Variants in NELL1 observed in about 807,000 individuals in gnomAD.
The protein encoded by NELL1 is protein kinase C-binding protein NELL1.
Under a neutral mutation model 107.4 loss-of-function variants are expected in NELL1, and 76 were observed. The ratio of observed to expected loss-of-function variants is 0.71; its 90% CI spans 0.59 to 0.86. The LOEUF (loss-of-function observed/expected upper bound fraction) is 0.86, where lower values mean the gene tolerates loss of function less well. NELL1 is among the 40% of genes least tolerant of loss of function. The probability of loss-of-function intolerance (pLI) is 0.00; values close to 1 mark genes in which losing one functional copy is unlikely to be tolerated. For synonymous variants in NELL1, 353 were observed against 341.2 expected (o/e 1.03, Z -0.38); for missense variants, 1,024 against 1,005.5 (o/e 1.02, Z -0.25).
At chr11:21,363,474 T>G (rs1333379088) in intron 14 of NELL1, among the ~76,000 whole-genome samples, 1 of 152,160 alleles carries the variant, frequency 6.6e-6, no homozygotes, top group Non-Finnish European at 1.5e-5. Context: ...AGAATTTGCT[T>G]CTTTCAAAGG....
At chr11:20,675,104 C>T (rs1156233215) in intron 1 of NELL1, among the ~76,000 whole-genome samples, 1 of 152,158 alleles carries the variant, frequency 6.6e-6, no homozygotes, top group Non-Finnish European at 1.5e-5. Flanking sequence ...CCAGCCGGGA[C>T]ATGTTCTTAT....
intron 15 of NELL1, among the ~76,000 whole-genome samples, chr11:21,489,516 C>G (rs1029147317): frequency 6.6e-6 from 1 of 151,526 alleles, no homozygotes; most frequent in African/African-American, 2.4e-5. Context: ...GCCAATATCC[C>G]TGATGAAATT....
chr11:21,077,262 T>C (rs1194159905), intron 12 of NELL1, among the ~76,000 whole-genome samples: 1 of 152,138 alleles, frequency 6.6e-6, no homozygotes, highest in Admixed American at 6.5e-5. Context: ...CTCTTGTAAA[T>C]GATGCTTTAC....
chr11:21,353,137 A>G (rs764640230), intron 14 of NELL1, among the ~76,000 whole-genome samples: 1 of 152,186 alleles, frequency 6.6e-6, no homozygotes, highest in African/African-American at 2.4e-5. Context: ...ATAGTCAGAC[A>G]AGGCATCTTG....
rs117934662 is a variant in NELL1, at chr11:21,229,538, C to T, written c.1549+84C>T. ...CTTGTGCGTCGGACCTTCTTGGTAA[C>T]TCTTGGTGGAACACAGCCAGGGTTC... On this transcript the variant is annotated intron_variant, in intron 14 of 19. Transcript: ENST00000357134. 4,793 of 1,569,328 alleles carry T rather than the reference C, an allele frequency of 3.1e-3. 9 individuals are homozygous for T. The highest frequency in any genetic ancestry group is 3.8e-3 in the Non-Finnish European group (4,326 of 1,148,202).
At chr11:21,199,726 C>G (rs1287335446) in intron 13 of NELL1, among the ~76,000 whole-genome samples, 4 of 151,870 alleles carry the variant, frequency 2.6e-5, no homozygotes, top group Non-Finnish European at 4.4e-5. Context: ...TATACATGTG[C>G]CATGGTGGTT....
intron 2 of NELL1, among the ~76,000 whole-genome samples, chr11:20,681,967 G>C (rs1854199744): frequency 6.6e-6 from 1 of 151,954 alleles, no homozygotes; most frequent in African/African-American, 2.4e-5. Flanking sequence ...AAGAAATCTT[G>C]TGATTATGTT....
intron 15 of NELL1, among the ~76,000 whole-genome samples, chr11:21,422,131 G>A (rs576730885): frequency 1.5e-3 from 223 of 151,580 alleles, no homozygotes; most frequent in African/African-American, 4.8e-3. Context: ...GTGTACACAC[G>A]CACGTGTATG....
intron 12 of NELL1, among the ~76,000 whole-genome samples, chr11:20,963,090 T>C (rs1210097504): frequency 2.6e-5 from 4 of 152,136 alleles, no homozygotes; most frequent in African/African-American, 4.8e-5. Context: ...TCTTTGGGCC[T>C]ATGTTTCCGT....
chr11:21,215,622 C>T (rs992050116), intron 13 of NELL1, among the ~76,000 whole-genome samples: 2 of 152,086 alleles, frequency 1.3e-5, no homozygotes, highest in African/African-American at 4.8e-5. Context: ...GAGGTGGTCT[C>T]AGATGGAAAT....
chr11:20,885,579 G>T (rs183577853), intron 5 of NELL1, 39 bp downstream of exon 5: 8 of 1,214,606 alleles, frequency 6.6e-6, no homozygotes, highest in Non-Finnish European at 9.8e-6. Flanking sequence ...TATATATATA[G>T]GCGATGCTCA....
At chr11:21,421,238 A>G (rs1018297461) in intron 15 of NELL1, among the ~76,000 whole-genome samples, 1 of 152,184 alleles carries the variant, frequency 6.6e-6, no homozygotes, top group Admixed American at 6.5e-5. Flanking sequence ...CACCTAAACA[A>G]TGATTACACT....
chr11:21,402,046 A>C (rs939373130), intron 15 of NELL1, among the ~76,000 whole-genome samples: 2 of 151,820 alleles, frequency 1.3e-5, no homozygotes, highest in Non-Finnish European at 2.9e-5. Context: ...AAATCTGGAT[A>C]TCAGCATGAA....
intron 12 of NELL1, among the ~76,000 whole-genome samples, chr11:20,998,529 A>ATC (rs1852142137): frequency 6.6e-6 from 1 of 152,158 alleles, no homozygotes; most frequent in Non-Finnish European, 1.5e-5. Context: ...GTCCTACACC[A>ATC]TCTCTATATA....
At chr11:20,957,990 G>C (rs201175073) in intron 11 of NELL1, among the ~76,000 whole-genome samples, 1 of 152,148 alleles carries the variant, frequency 6.6e-6, no homozygotes, top group East Asian at 1.9e-4. Flanking sequence ...TGTTTGAAGA[G>C]AGAATATCTA....
intron 2 of NELL1, among the ~76,000 whole-genome samples, chr11:20,741,628 C>A (rs1177369645): frequency 6.6e-6 from 1 of 152,088 alleles, no homozygotes; most frequent in Non-Finnish European, 1.5e-5. Flanking sequence ...ATTAGAGCTT[C>A]CTTCCTTAAA....
intron 13 of NELL1, among the ~76,000 whole-genome samples, chr11:21,214,895 C>T (rs902062010): frequency 6.6e-6 from 1 of 152,208 alleles, no homozygotes; most frequent in African/African-American, 2.4e-5. Flanking sequence ...TATACACATA[C>T]ATAATACATA....
intron 15 of NELL1, among the ~76,000 whole-genome samples, chr11:21,427,140 G>A (rs1051862886): frequency 6.6e-6 from 1 of 152,166 alleles, no homozygotes; most frequent in Non-Finnish European, 1.5e-5. Flanking sequence ...AGGACAAGCT[G>A]TTAGGCATCT....
At chr11:21,112,327 CTTT>C (rs900774153) in intron 12 of NELL1, among the ~76,000 whole-genome samples, 4 of 151,926 alleles carry the variant, frequency 2.6e-5, no homozygotes, top group African/African-American at 9.7e-5. Context: ...ACTTACTTTT[CTTT>C]TAAGATAAAT....
Sources: allele counts gnomAD v4.1 joint callset (sites outside exome capture counted in the v4.1 genomes callset), GRCh38; gene constraint gnomAD v4.1.1; transcripts MANE v1.5; gene names NCBI Gene and HGNC (gene_info 2026-07-23, HGNC 2026-07-21).